The following ZNF654 variants were observed in gnomAD, a reference collection of about 807,000 sequenced individuals.
ZNF654 encodes the protein zinc finger protein 654.
ZNF654 carries 19 observed loss-of-function variants against 95.3 expected under a neutral mutation model. That is an observed-to-expected ratio of 0.20 (90% confidence interval 0.14 to 0.29). The LOEUF (loss-of-function observed/expected upper bound fraction) is 0.29. ZNF654 is among the 10% of genes least tolerant of loss of function. ZNF654 has a pLI of 1.00. For missense variants in ZNF654, 1,046 were observed against 1,341.0 expected, an observed-to-expected ratio of 0.78 and a Z score of 3.44; for synonymous variants, 413 against 457.9, an observed-to-expected ratio of 0.90 and a Z score of 1.25.
chr3:88,106,606 G>GTGC (rs1223861950), intron 2 of ZNF654, among the ~76,000 whole-genome samples: 1 of 152,186 alleles, frequency 6.6e-6, no homozygotes, highest in Non-Finnish European at 1.5e-5. Flanking sequence ...GCCTCCCAGA[G>GTGC]TGCTGGGATT....
At chr3:88,132,004 A>G (rs1450521529) in intron 6 of ZNF654, among the ~76,000 whole-genome samples, 4 of 152,118 alleles carry the variant, frequency 2.6e-5, no homozygotes, top group East Asian at 1.9e-4. Context: ...CTCCTTCACA[A>G]TCATTAATAA....
chr3:88,080,411 C>T (rs1708018835), intron 1 of ZNF654, among the ~76,000 whole-genome samples: 1 of 151,986 alleles, frequency 6.6e-6, no homozygotes, highest in Non-Finnish European at 1.5e-5. Flanking sequence ...TATCTGATAG[C>T]TCTTGTTTGT....
At chr3:88,079,028 A>T (rs986779148) in intron 1 of ZNF654, among the ~76,000 whole-genome samples, 1 of 152,118 alleles carries the variant, frequency 6.6e-6, no homozygotes, top group African/African-American at 2.4e-5. Flanking sequence ...TTTGGGCTGA[A>T]ACTAAGAATG....
intron 3 of ZNF654, among the ~76,000 whole-genome samples, chr3:88,117,369 A>G (rs1705474133): frequency 6.6e-6 from 1 of 152,312 alleles, no homozygotes; most frequent in South Asian, 2.1e-4. Context: ...AAAATTCTCT[A>G]TAGTAACAAA....
intron 1 of ZNF654, among the ~76,000 whole-genome samples, chr3:88,073,924 A>G (rs1158597855): frequency 6.6e-6 from 1 of 152,212 alleles, no homozygotes; most frequent in African/African-American, 2.4e-5. Context: ...CTCAGTACTT[A>G]AGAGTATACG....
intron 2 of ZNF654, among the ~76,000 whole-genome samples, chr3:88,105,031 T>G (rs942962836): frequency 1.3e-5 from 2 of 152,142 alleles, no homozygotes; most frequent in Non-Finnish European, 2.9e-5. Flanking sequence ...TCCCAGCTAC[T>G]CGGGAGACTG....
At chr3:88,124,793 C>T (rs1247668536) in intron 3 of ZNF654, among the ~76,000 whole-genome samples, 1 of 150,860 alleles carries the variant, frequency 6.6e-6, no homozygotes, top group Non-Finnish European at 1.5e-5. Context: ...TTCAACATTG[C>T]CAGTTTCTAC....
intron 2 of ZNF654, among the ~76,000 whole-genome samples, chr3:88,095,237 A>C (rs1262662426): frequency 6.6e-6 from 1 of 152,088 alleles, no homozygotes; most frequent in African/African-American, 2.4e-5. Flanking sequence ...CCCTATGAAT[A>C]GGACTATCAG....
At chr3:88,095,381 AAG>A (rs1235739809) in intron 2 of ZNF654, 1 of 328,678 alleles carries the variant, frequency 3.0e-6, no homozygotes, top group Non-Finnish European at 5.8e-6. Context: ...ATTATGTACT[AAG>A]AGAAGTGACA....
intron 2 of ZNF654, among the ~76,000 whole-genome samples, chr3:88,090,086 T>G (rs1576248434): frequency 6.6e-6 from 1 of 152,160 alleles, no homozygotes; most frequent in Admixed American, 6.6e-5. Flanking sequence ...ACAGTGATAA[T>G]TATATTATTG....
chr3:88,071,136 G>T (rs751772217), intron 1 of ZNF654, among the ~76,000 whole-genome samples: 2 of 151,980 alleles, frequency 1.3e-5, no homozygotes, highest in African/African-American at 4.8e-5. Flanking sequence ...TTCCTTCCTG[G>T]CATCTAAAAC....
At chr3:88,066,018 G>A (rs186474319) in intron 1 of ZNF654, among the ~76,000 whole-genome samples, 325 of 152,330 alleles carry the variant, frequency 2.1e-3, no homozygotes, top group Middle Eastern at 0.014. Flanking sequence ...ACAGGCATGA[G>A]CTACCGCGCC....
intron 5 of ZNF654, 23 bp from the exon 6 acceptor site, chr3:88,129,664 T>C: frequency 7.3e-7 from 1 of 1,376,984 alleles, no homozygotes; most frequent in Non-Finnish European, 9.5e-7. Context: ...TTATATGAAC[T>C]GATTTCTCTT....
In ZNF654 at chr3:88,106,490, G is replaced by T. The variant is rs186472903; in HGVS notation, c.333-6625G>T. On this transcript the variant is annotated intron_variant, in intron 2 of 8. Transcript: ENST00000636215. ...GTAGCTGAGATTACACATGTGTGCA[G>T]CCACCCCCAGCTAATTGTTTGTATT... is the stretch of plus-strand genomic sequence containing the variant. Among the ~76,000 whole-genome samples the T allele has an allele frequency of 6.6e-5, 10 of 151,918 alleles. No individual in the cohort carries two copies. In the East Asian group the frequency reaches 1.9e-3, roughly 30 times the overall value.
At chr3:88,068,053 C>T (rs139170884) in intron 1 of ZNF654, among the ~76,000 whole-genome samples, 2 of 152,092 alleles carry the variant, frequency 1.3e-5, no homozygotes, top group East Asian at 3.9e-4. Flanking sequence ...AGGGGTGTTG[C>T]TTTATATAGG....
chr3:88,122,032 T>A (rs1351280263), intron 3 of ZNF654, among the ~76,000 whole-genome samples: 2 of 152,192 alleles, frequency 1.3e-5, no homozygotes, highest in Admixed American at 6.6e-5. Context: ...ATGTCAACAC[T>A]TAAGATAGTA....
intron 1 of ZNF654, among the ~76,000 whole-genome samples, chr3:88,062,215 G>A (rs1053615649): frequency 3.3e-5 from 5 of 152,118 alleles, no homozygotes; most frequent in African/African-American, 1.2e-4. Flanking sequence ...AACTTTTATG[G>A]AAGGCCTACT....
At chr3:88,061,420 C>G (rs778965492) in intron 1 of ZNF654, among the ~76,000 whole-genome samples, 1 of 152,066 alleles carries the variant, frequency 6.6e-6, no homozygotes, top group Admixed American at 6.5e-5. Context: ...ACTTAATGAA[C>G]GTTTATTTTC....
chr3:88,100,021 A>G (rs1223652047), intron 2 of ZNF654, among the ~76,000 whole-genome samples: 3 of 152,236 alleles, frequency 2.0e-5, no homozygotes, highest in Non-Finnish European at 4.4e-5. Flanking sequence ...AGAAACTACC[A>G]TCACAGTGAA....
Sources: allele counts gnomAD v4.1 joint callset (sites outside exome capture counted in the v4.1 genomes callset), GRCh38; gene constraint gnomAD v4.1.1; transcripts MANE v1.5; gene names NCBI Gene and HGNC (gene_info 2026-07-23, HGNC 2026-07-21).